Variants in ANG observed in about 807,000 individuals in gnomAD.
ANG encodes the protein angiogenin, also known as Homo sapiens epididymis luminal protein 168.
For missense variants in ANG, 178 were observed against 187.4 expected, an observed-to-expected ratio of 0.95 and a Z score of 0.29; for synonymous variants, 74 against 73.8, an observed-to-expected ratio of 1.00 and a Z score of -0.02.
upstream of ANG, chr14:20,684,678 A>G (rs1023095863): frequency 1.3e-5 from 2 of 152,314 alleles, no homozygotes; most frequent in Non-Finnish European, 2.9e-5. Context: ...CCATCATCGT[A>G]CTAGGGAGGA....
rs1886944317 is a variant in ANG at position 20,693,751 on chromosome 14, T to A, written c.187T>A (p.Cys63Ser). 6.2e-7 allele frequency: 1 copy of A among 1,614,232 alleles called. No individual in the cohort carries two copies. Among genetic ancestry groups the A allele is most frequent in the Admixed American group, 1.7e-5 (1 of 60,026 alleles). The change falls in exon 2 of 2, where the codon TGC becomes AGC. Residue 63 changes from cysteine to serine, a missense_variant. Physicochemically the swap from Cys to Ser is moderately radical, Grantham distance 112. Coordinates refer to ENST00000397990, the MANE Select transcript of ANG (RefSeq NM_001097577.3). ...IMRRRGLTSP[C>S]KDINTFIHGN... ...GAGGAGACGGGGCCTGACCTCACCC[T>A]GCAAAGACATCAACACATTTATTCA... is the stretch of plus-strand genomic sequence containing the variant.
upstream of ANG, among the ~76,000 whole-genome samples, chr14:20,685,864 A>C (rs1016715715): frequency 4.6e-5 from 7 of 151,782 alleles, no homozygotes; most frequent in East Asian, 1.9e-4. Context: ...AGATGGTGAA[A>C]CCTCGTCTCT....
At position 20,694,018 on chromosome 14, in the gene ANG, C is replaced by T. The variant is rs778543068; in HGVS notation, c.*10C>T. The T allele has an allele frequency of 3.9e-5, 63 of 1,613,960 alleles. 1 individual carries two copies. In the South Asian group the frequency reaches 6.4e-4, roughly 16 times the overall value. On this transcript the variant is annotated 3_prime_UTR_variant, in exon 2 of 2. Coordinates refer to ENST00000397990, the MANE Select transcript of ANG (RefSeq NM_001097577.3). ...TTTCCGTCGTCCGTAACCAGCGGGC[C>T]CCTGGTCAAGTGCTGGCTCTGCTGT...
upstream of ANG, among the ~76,000 whole-genome samples, chr14:20,687,938 G>T (rs1376384537): frequency 6.6e-6 from 1 of 152,164 alleles, no homozygotes; most frequent in Non-Finnish European, 1.5e-5. Context: ...AATGCTGGGG[G>T]TCTGTGAAAC....
At chr14:20,690,000 G>C (rs1463556811) in intron 1 of ANG, among the ~76,000 whole-genome samples, 1 of 148,976 alleles carries the variant, frequency 6.7e-6, no homozygotes, top group African/African-American at 2.5e-5. Context: ...TGGATCATGA[G>C]GTCAGGAGAT....
chr14:20,689,436 A>G (rs1312039512), intron 1 of ANG, among the ~76,000 whole-genome samples: 1 of 152,234 alleles, frequency 6.6e-6, no homozygotes, highest in Non-Finnish European at 1.5e-5. Context: ...TAGGATGTAT[A>G]AAAGTGTGAA....
chr14:20,686,927 A>C (rs1015554499), upstream of ANG, among the ~76,000 whole-genome samples: 2 of 152,228 alleles, frequency 1.3e-5, no homozygotes, highest in Non-Finnish European at 2.9e-5. Flanking sequence ...CTCTAACACT[A>C]GGGTCCTTGG....
chr14:20,693,945 T>C lies in ANG; in HGVS notation c.381T>C (p.Val127=). 3 of 1,614,080 alleles carry C rather than the reference T, an allele frequency of 1.9e-6. No homozygotes were observed. The highest frequency in any genetic ancestry group is 2.5e-6 in the Non-Finnish European group (3 of 1,180,010). Residue 127 remains valine (V), a synonymous_variant, in exon 2 of 2, where the codon GTT becomes GTC. Transcript: ENST00000397990. ...GAGCCACAGCGGGGTTCAGAAACGT[T>C]GTTGTTGCTTGTGAAAATGGCTTAC... ...QYRATAGFRN[V]VVACENGLPV... is the part of the protein sequence containing the mutation.
upstream of ANG, chr14:20,688,592 T>G: frequency 6.9e-6 from 5 of 724,128 alleles, no homozygotes; most frequent in Non-Finnish European, 8.4e-6. Context: ...TCTCAAACTT[T>G]GTCTTCCAGA....
chr14:20,693,445 T>A, intron 1 of ANG, 102 bp from the exon 2 acceptor site: 1 of 1,479,956 alleles, frequency 6.8e-7, no homozygotes, highest in Non-Finnish European at 9.3e-7. Flanking sequence ...GTGGAAAAGA[T>A]CTGATTCATG....
chr14:20,688,756 C>A, upstream of ANG: 1 of 985,216 alleles, frequency 1.0e-6, no homozygotes, highest in Non-Finnish European at 1.2e-6. Flanking sequence ...ACTATATAAT[C>A]AGAACCTGGA....
At chr14:20,693,041 G>A (rs1188099992) in intron 1 of ANG, among the ~76,000 whole-genome samples, 1 of 151,566 alleles carries the variant, frequency 6.6e-6, no homozygotes, top group African/African-American at 2.4e-5. Flanking sequence ...TAGAGACGGG[G>A]TTTCACCGTG....
At chr14:20,687,224 C>G (rs1464153200), upstream of ANG, among the ~76,000 whole-genome samples, 1 of 152,308 alleles carries the variant, frequency 6.6e-6, no homozygotes, top group South Asian at 2.1e-4. Flanking sequence ...TCCCCCAAAC[C>G]CTACTTTTCA....
rs145565348 is a variant in ANG, at chr14:20,694,150, T to C, written c.*142T>C. The C allele has an allele frequency of 1.1e-4, 97 of 867,484 alleles. No homozygotes were observed. In the East Asian group the frequency reaches 2.4e-3, roughly 21 times the overall value. 53.7% of individuals were successfully genotyped at this position (867,484 alleles called of 1,614,324 possible). A position where few individuals can be genotyped will look rare whatever the true frequency, so the allele number is the denominator to read the frequency against. ...ACCTTTTGTTTTCTGTTTGACAACA[T>C]GTTTAATAAATAAAAATGTCTTGAT... On this transcript the variant is annotated 3_prime_UTR_variant, in exon 2 of 2. Coordinates refer to ENST00000397990, the MANE Select transcript of ANG (RefSeq NM_001097577.3).
upstream of ANG, among the ~76,000 whole-genome samples, chr14:20,685,179 C>G (rs1286334269): frequency 6.6e-6 from 1 of 152,168 alleles, no homozygotes; most frequent in African/African-American, 2.4e-5. Flanking sequence ...TTTCTGTTTA[C>G]TCTCCTCTGC....
At position 20,690,613 on chromosome 14, in the gene ANG, A is replaced by G. The variant is rs1886696959; in HGVS notation, c.-19+1739A>G. Among the ~76,000 whole-genome samples, 5 of 152,160 alleles carry G rather than the reference A, an allele frequency of 3.3e-5. No homozygotes were observed. In the South Asian group the frequency reaches 1.0e-3, roughly 32 times the overall value. ...ACAGGCCCCCAACTAAACTTATACA[A>G]AATTTGTCTCTGTAACTGAGGGTCA... On this transcript the variant is annotated intron_variant, in intron 1 of 1. Transcript: ENST00000397990.
chr14:20,688,699 T>A, upstream of ANG: 1 of 985,376 alleles, frequency 1.0e-6, no homozygotes, highest in Non-Finnish European at 1.2e-6. Context: ...AGCAGTGTCC[T>A]TGGTTTTCAT....
rs1397659536 is a variant in ANG at position 20,694,127 on chromosome 14, C to G, written c.*119C>G. The stretch of plus-strand genomic sequence containing the variant: ...GGCCCAAAGAAAGAGCTACCTGGAC[C>G]TTTTGTTTTCTGTTTGACAACATGT... On this transcript the variant is annotated 3_prime_UTR_variant, in exon 2 of 2. Transcript: ENST00000397990. 5 of 1,092,606 alleles carry G rather than the reference C, an allele frequency of 4.6e-6. No individual in the cohort carries two copies. The African/African-American group carries it at 7.8e-5, about 17-fold the overall frequency. 67.7% of individuals were successfully genotyped at this position (1,092,606 alleles called of 1,614,324 possible).
intron 1 of ANG, among the ~76,000 whole-genome samples, chr14:20,691,365 A>G (rs150284406): frequency 2.0e-5 from 3 of 152,354 alleles, no homozygotes; most frequent in African/African-American, 7.2e-5. Context: ...AAGAGACTTA[A>G]TTGATTACAA....
Sources: gnomAD v4.1 joint callset for allele counts (sites outside exome capture counted in the v4.1 genomes callset) on GRCh38, gnomAD v4.1.1 for gene constraint, MANE v1.5 for transcripts, NCBI Gene and HGNC (gene_info 2026-07-23, HGNC 2026-07-21) for gene names.